Variants in VRTN observed in about 807,000 individuals in gnomAD.
VRTN encodes the protein vertnin.
A neutral mutation model predicts 18.2 loss-of-function variants in VRTN; 5 were observed. That is an observed-to-expected ratio of 0.27 (90% CI 0.14 to 0.58). The LOEUF (loss-of-function observed/expected upper bound fraction) is 0.58, where lower values mean the gene tolerates loss of function less well. VRTN is among the 20% of genes least tolerant of loss of function. The pLI, the probability that VRTN is intolerant of heterozygous loss-of-function variation, is 0.91. For missense variants in VRTN, 741 were observed against 939.4 expected (o/e 0.79, Z 2.76); for synonymous variants, 381 against 393.7 (o/e 0.97, Z 0.38).
At chr14:74,325,753 G>A (rs2085483958) in intron 1 of VRTN, among the ~76,000 whole-genome samples, 1 of 152,116 alleles carries the variant, frequency 6.6e-6, no homozygotes, top group African/African-American at 2.4e-5. Context: ...CTGGGCAACA[G>A]AGTGAGACCC....
intron 1 of VRTN, chr14:74,306,574 T>C (rs1595159974): frequency 6.8e-6 from 1 of 147,970 alleles, no homozygotes; most frequent in African/African-American, 2.5e-5. Context: ...TGTAGTTGGT[T>C]TGTGTGTGTG....
At chr14:74,330,926 A>G (rs1456992276) in intron 1 of VRTN, among the ~76,000 whole-genome samples, 1 of 149,078 alleles carries the variant, frequency 6.7e-6, no homozygotes. Flanking sequence ...TGGGCCGGGC[A>G]CGGTGGCTCA....
At chr14:74,348,043 G>A (rs1014571907), upstream of VRTN, among the ~76,000 whole-genome samples, 3 of 152,196 alleles carry the variant, frequency 2.0e-5, no homozygotes, top group African/African-American at 7.2e-5. Flanking sequence ...GTTGGTGAGA[G>A]CTGCCTCACA....
intron 1 of VRTN, among the ~76,000 whole-genome samples, chr14:74,335,032 A>G (rs111667604): frequency 6.6e-6 from 1 of 152,222 alleles, no homozygotes; most frequent in African/African-American, 2.4e-5. Flanking sequence ...CTGTAATCCC[A>G]GCAGTTTGGG....
chr14:74,326,903 T>C (rs973450181), intron 1 of VRTN, among the ~76,000 whole-genome samples: 5 of 152,210 alleles, frequency 3.3e-5, no homozygotes, highest in Admixed American at 3.3e-4. Context: ...TATGGGTGTG[T>C]GGTTCACATC....
At chr14:74,343,201 A>G (rs1055485095) in intron 2 of VRTN, among the ~76,000 whole-genome samples, 3 of 152,112 alleles carry the variant, frequency 2.0e-5, no homozygotes, top group Non-Finnish European at 4.4e-5. Flanking sequence ...ACCTTGGCTA[A>G]CTGCAAACTC....
At chr14:74,335,338 G>A (rs1177953542) in intron 1 of VRTN, among the ~76,000 whole-genome samples, 1 of 152,196 alleles carries the variant, frequency 6.6e-6, no homozygotes, top group Admixed American at 6.5e-5. Flanking sequence ...ATAACCCTCA[G>A]TGGGGATCCA....
intron 1 of VRTN, among the ~76,000 whole-genome samples, chr14:74,350,042 C>T (rs1462884316): frequency 6.6e-6 from 1 of 152,154 alleles, no homozygotes; most frequent in African/African-American, 2.4e-5. Flanking sequence ...ACTTTTTGCA[C>T]CTCCTTCCCT....
chr14:74,340,198 C>T (rs374443347), intron 2 of VRTN, among the ~76,000 whole-genome samples: 42 of 151,602 alleles, frequency 2.8e-4, no homozygotes, highest in East Asian at 7.8e-4. Context: ...CCGCAACCTC[C>T]GCCTCCCAGG....
chr14:74,347,150 G>A (rs1048608833), upstream of VRTN, among the ~76,000 whole-genome samples: 3 of 152,146 alleles, frequency 2.0e-5, no homozygotes, highest in Admixed American at 6.6e-5. Context: ...TTATCATCTC[G>A]TGGAATTTAT....
At chr14:74,346,869 T>A (rs1179001949), upstream of VRTN, among the ~76,000 whole-genome samples, 4 of 152,180 alleles carry the variant, frequency 2.6e-5, no homozygotes, top group Admixed American at 6.5e-5. Flanking sequence ...CTTTTAAAAA[T>A]TTTTAAATTA....
In VRTN at chr14:74,306,173, T is replaced by TATATATATGTATG. The variant is rs1491480014; in HGVS notation, c.-164+2997_-164+2998insATATATATGTATG. 33 of 48,040 alleles carry TATATATATGTATG rather than the reference T, an allele frequency of 6.9e-4. 1 individual carries two copies. The highest frequency in any genetic ancestry group is 3.2e-3 in the African/African-American group (32 of 10,006). 3.0% of individuals were successfully genotyped at this position (48,040 alleles called of 1,614,324 possible). A position where few individuals can be genotyped will look rare whatever the true frequency, so the allele number is the denominator to read the frequency against. ...ATATATATATATATATATATATATATTTTTTTTTTTTTTTTGAGACAGAGT... is the reference window on the plus strand; with the variant it reads ...ATATATATATATATATATATATATATATATATATGTATGTTTTTTTTTTTTTTTGAGACAGAGT... On this transcript the variant is annotated intron_variant, in intron 1 of 2. Transcript: ENST00000557177.
At chr14:74,321,533 T>G (rs1595165366) in intron 1 of VRTN, among the ~76,000 whole-genome samples, 1 of 139,656 alleles carries the variant, frequency 7.2e-6, no homozygotes, top group African/African-American at 2.8e-5. Context: ...TGAGACAGAG[T>G]CTTGCTCTGT....
intron 1 of VRTN, among the ~76,000 whole-genome samples, chr14:74,354,388 C>T (rs1438934578): frequency 1.3e-5 from 2 of 149,920 alleles, no homozygotes; most frequent in Admixed American, 6.6e-5. Context: ...TTTTTGTACC[C>T]TGTTATATTA....
At position 74,307,211 on chromosome 14, in the gene VRTN, C is replaced by T. The variant is rs191216456; in HGVS notation, c.-164+4035C>T. On this transcript the variant is annotated intron_variant, in intron 1 of 2. Coordinates refer to the VRTN transcript ENST00000557177. ...CAGGCTGGATTGGGGCTCACTGCAA[C>T]CCCTGCCTCCCAAGTTCAAGTGATT... Among the ~76,000 whole-genome samples, 203 of 136,694 alleles carry T rather than the reference C, an allele frequency of 1.5e-3. 1 individual carries two copies. Among genetic ancestry groups the T allele is most frequent in the African/African-American group, 5.3e-3 (194 of 36,386 alleles). 89.7% of individuals were successfully genotyped at this position (136,694 alleles called of 152,430 possible).
rs147585194 is a variant in VRTN at position 74,340,199 on chromosome 14, G to A, written c.-2+2315G>A. ...ACGATCTCAGCTCACCGCAACCTCC[G>A]CCTCCCAGGTTCAAGCGATTCTCCT... On this transcript the variant is annotated intron_variant, in intron 2 of 2. Transcript: ENST00000557177. Among the ~76,000 whole-genome samples, 364 of 146,436 alleles carry A rather than the reference G, an allele frequency of 2.5e-3. 2 individuals carry two copies. Among genetic ancestry groups the A allele is most frequent in the East Asian group, 8.9e-3 (44 of 4,920 alleles).
At chr14:74,330,239 C>G (rs555565575) in intron 1 of VRTN, among the ~76,000 whole-genome samples, 2 of 151,886 alleles carry the variant, frequency 1.3e-5, no homozygotes, top group South Asian at 4.2e-4. Context: ...AAACACTTTT[C>G]TAAAGAAATG....
intron 1 of VRTN, chr14:74,305,678 A>G (rs1477187989): frequency 6.5e-6 from 1 of 153,810 alleles, no homozygotes; most frequent in Non-Finnish European, 1.4e-5. Flanking sequence ...CTTGTCCCCC[A>G]AGGCTGGAGC....
At chr14:74,354,300 ATAT>A (rs1385481996) in intron 1 of VRTN, among the ~76,000 whole-genome samples, 1 of 152,164 alleles carries the variant, frequency 6.6e-6, no homozygotes, top group African/African-American at 2.4e-5. Flanking sequence ...GATTTTTTTG[ATAT>A]TATACCAAAA....
Sources: gnomAD v4.1 joint callset for allele counts (sites outside exome capture counted in the v4.1 genomes callset) on GRCh38, gnomAD v4.1.1 for gene constraint, MANE v1.5 for transcripts, NCBI Gene and HGNC (gene_info 2026-07-23, HGNC 2026-07-21) for gene names.